The following LAMA5 variants were observed in gnomAD, a reference collection of about 807,000 sequenced individuals.
LAMA5 encodes laminin subunit alpha-5.
In LAMA5, 260 loss-of-function variants were observed where a neutral mutation model predicts 433.4. The ratio of observed to expected loss-of-function variants is 0.60; its 90% CI spans 0.54 to 0.66. The LOEUF is 0.66. LAMA5 is among the 30% of genes least tolerant of loss of function. The probability of loss-of-function intolerance (pLI) is 0.00; values close to 1 mark genes in which losing one functional copy is unlikely to be tolerated. For synonymous variants in LAMA5, 2,620 were observed against 2,226.6 expected (o/e 1.18, Z -4.97); for missense variants, 5,378 against 5,258.5 (o/e 1.02, Z -0.70).
intron 45 of LAMA5, 71 bp downstream of exon 45, chr20:62,323,385 T>C: frequency 8.0e-7 from 1 of 1,249,210 alleles, no homozygotes; most frequent in Non-Finnish European, 1.1e-6. Context: ...ACTTACGGGG[T>C]ACGCCCAGCA....
Position 62,310,075 on chromosome 20 carries a change from G to A in LAMA5, c.10741C>T (p.Leu3581=). The change falls in exon 78 of 80, where the codon CTG becomes TTG. Residue 3581 remains leucine (L), a synonymous_variant. Coordinates refer to ENST00000252999, the MANE Select transcript of LAMA5 (RefSeq NM_005560.6). The part of the protein sequence containing the change: ...QLQVTEKQVL[L]RADDGAGEFS... ...TCCCCTGCTCCGTCATCCGCCCGCAGCAGGACCTGGCGGGGTAGGAAGGGA... is the reference window on the plus strand; with the variant it reads ...TCCCCTGCTCCGTCATCCGCCCGCAACAGGACCTGGCGGGGTAGGAAGGGA... The A allele has an allele frequency of 1.2e-6, 2 of 1,611,384 alleles. No individual in the cohort carries two copies. Among genetic ancestry groups the A allele is most frequent in the Non-Finnish European group, 1.7e-6 (2 of 1,179,784 alleles).
intron 2 of LAMA5, among the ~76,000 whole-genome samples, chr20:62,355,869 C>T (rs576637314): frequency 4.0e-4 from 61 of 152,132 alleles, no homozygotes; most frequent in African/African-American, 1.2e-3. Flanking sequence ...AGGCTGTTCT[C>T]GGGGAGCTGG....
rs1047666407 is a variant in LAMA5, at chr20:62,315,017, C to T, written c.8047+11G>A. Reference sequence around the variant, plus strand: ...CCTCCATCAGGGGCACCGCGAGGGCCATGGGCGCACCTGAGTGGCCTGCGT... The same window carrying T: ...CCTCCATCAGGGGCACCGCGAGGGCTATGGGCGCACCTGAGTGGCCTGCGT... On this transcript the variant is annotated intron_variant, in intron 59 of 79. Coordinates refer to ENST00000252999, the MANE Select transcript of LAMA5 (RefSeq NM_005560.6). 1 of 1,585,154 alleles carries T rather than the reference C, an allele frequency of 6.3e-7. No homozygotes were observed. Among genetic ancestry groups the T allele is most frequent in the Non-Finnish European group, 8.5e-7 (1 of 1,171,032 alleles).
rs752310841 is a variant in LAMA5, at chr20:62,317,773, C to T, written c.7245G>A (p.Arg2415=). 21 of 1,595,212 alleles carry T rather than the reference C, an allele frequency of 1.3e-5. No individual in the cohort carries two copies. The Admixed American group carries it at 2.9e-4, about 22-fold the overall frequency. ...NQERLEEALQ[R]KQELSRDNAT... ...CATTGTCCCGGGACAGCTCCTGCTTCCTTTGCTGAAGGCAATGCAGGGGAG... is the reference window on the plus strand; with the variant it reads ...CATTGTCCCGGGACAGCTCCTGCTTTCTTTGCTGAAGGCAATGCAGGGGAG... Residue 2415 remains arginine (R), a synonymous_variant, in exon 54 of 80, where the codon AGG becomes AGA. Transcript: ENST00000252999.
chr20:62,328,548 G>C, intron 34 of LAMA5, 103 bp from the exon 35 acceptor site: 1 of 1,247,162 alleles, frequency 8.0e-7, no homozygotes, highest in Non-Finnish European at 1.1e-6. Context: ...ACGGGGGCGG[G>C]GGAGACAAGA....
At chr20:62,333,842 G>GTGGGA in intron 23 of LAMA5, 59 bp downstream of exon 23, 1 of 1,462,890 alleles carries the variant, frequency 6.8e-7, no homozygotes, top group East Asian at 2.5e-5. Flanking sequence ...TGGGAGTGGG[G>GTGGGA]TGGGGTGGGG....
In LAMA5 at chr20:62,329,121, G is replaced by C. The variant is rs752423490; in HGVS notation, c.4235+17C>G. 1 of 1,611,902 alleles carries C rather than the reference G, an allele frequency of 6.2e-7. No individual in the cohort carries two copies. Among genetic ancestry groups the C allele is most frequent in the South Asian group, 1.1e-5 (1 of 91,046 alleles). ...GACCCCCACCCCGGACCCCTGACCT[G>C]CCAGAGCCCTGCCCACCTGATGTGG... On this transcript the variant is annotated intron_variant, in intron 33 of 79. Transcript: ENST00000252999.
At chr20:62,337,200 G>A (rs75594513) in intron 16 of LAMA5, among the ~76,000 whole-genome samples, 2,081 of 148,496 alleles carry the variant, frequency 0.014, 57 homozygotes, top group African/African-American at 0.048. Flanking sequence ...TGCGATACGC[G>A]CACCCACTTA....
Position 62,327,524 on chromosome 20 carries a change from C to A in LAMA5, c.4938+5G>T, listed in dbSNP as rs756501781. The A allele has an allele frequency of 1.2e-6, 2 of 1,612,858 alleles. No individual in the cohort carries two copies. The highest frequency in any genetic ancestry group is 2.2e-5 in the East Asian group (1 of 44,874). On this transcript the variant is annotated splice_donor_5th_base_variant and intron_variant, in intron 37 of 79. Transcript: ENST00000252999. ...AAGGCAATGCCCTCAGTCCTGCAGG[C>A]GCACCTCCTGGCGGGTGTAGGACGA... is the stretch of plus-strand genomic sequence containing the variant.
intron 43 of LAMA5, 109 bp from the exon 44 acceptor site, chr20:62,323,965 C>T: frequency 2.1e-6 from 3 of 1,427,044 alleles, no homozygotes; most frequent in Non-Finnish European, 2.8e-6. Context: ...GCCCAGACCT[C>T]ACGGACACCT....
At position 62,312,420 on chromosome 20, in the gene LAMA5, C is replaced by T. The variant is rs758358407; in HGVS notation, c.9340G>A (p.Gly3114Ser). The T allele has an allele frequency of 3.3e-5, 53 of 1,597,666 alleles. No homozygotes were observed. Among genetic ancestry groups the T allele is most frequent in the South Asian group, 1.1e-4 (10 of 90,890 alleles). The change falls in exon 68 of 80, where the codon GGC becomes AGC. Residue 3114 changes from glycine (G) to serine (S), a missense_variant. Physicochemically the swap from Gly to Ser is moderately conservative, Grantham distance 56. Transcript: ENST00000252999. ...KRLNTTGVSA[G>S]CTADLLVGRA... ...CTCACCAGCAGGTCGGCGGTGCAGC[C>T]GGCGCTCACGCCTGTCGTGTTCAGC...
intron 52 of LAMA5, 81 bp downstream of exon 52, chr20:62,318,762 C>A: frequency 6.4e-7 from 1 of 1,571,698 alleles, no homozygotes; most frequent in Non-Finnish European, 8.6e-7. Context: ...CCACCTGATG[C>A]CACTCCATGC....
chr20:62,337,097 C>T (rs1230780972), intron 16 of LAMA5: 9 of 607,004 alleles, frequency 1.5e-5, no homozygotes, highest in Non-Finnish European at 2.8e-5. Context: ...TGAAGATGCA[C>T]CCACTACACG....
chr20:62,319,243 C>T, intron 51 of LAMA5: 1 of 563,662 alleles, frequency 1.8e-6, no homozygotes, highest in Non-Finnish European at 3.1e-6. Flanking sequence ...GTCTGCTCAG[C>T]CAGCTTCTGA....
chr20:62,352,749 C>T (rs759581191), intron 3 of LAMA5, among the ~76,000 whole-genome samples: 2 of 152,304 alleles, frequency 1.3e-5, no homozygotes, highest in East Asian at 1.9e-4. Context: ...CAGGGTGGCA[C>T]GGGGCCAGGG....
At chr20:62,315,281 G>A (rs1441133022) in intron 58 of LAMA5, 74 bp from the exon 59 acceptor site, 2 of 1,337,550 alleles carry the variant, frequency 1.5e-6, no homozygotes, top group Non-Finnish European at 2.0e-6. Flanking sequence ...AAGTCTTTCT[G>A]TTGGGCCAGC....
intron 58 of LAMA5, 104 bp downstream of exon 58, chr20:62,315,844 C>A (rs1986879069): frequency 3.4e-6 from 3 of 887,480 alleles, no homozygotes; most frequent in Non-Finnish European, 5.2e-6. Flanking sequence ...GTGGGGGTCT[C>A]TTCCACAGCA....
chr20:62,341,129 T>C (rs1982533681), intron 11 of LAMA5, among the ~76,000 whole-genome samples: 1 of 149,422 alleles, frequency 6.7e-6, no homozygotes, highest in Non-Finnish European at 1.5e-5. Flanking sequence ...ACAAAGAAAA[T>C]CTCAAATTCC....
intron 20 of LAMA5, 81 bp from the exon 21 acceptor site, chr20:62,334,702 C>G: frequency 8.7e-7 from 1 of 1,145,950 alleles, no homozygotes; most frequent in Non-Finnish European, 1.2e-6. Flanking sequence ...ACTGAGAAGC[C>G]TGCCTGGGGC....
Sources: gnomAD v4.1 joint callset for allele counts (sites outside exome capture counted in the v4.1 genomes callset) on GRCh38, gnomAD v4.1.1 for gene constraint, MANE v1.5 for transcripts, NCBI Gene and HGNC (gene_info 2026-07-23, HGNC 2026-07-21) for gene names.